Variants in HSD17B12 observed in about 807,000 individuals in gnomAD.
HSD17B12 encodes the protein very-long-chain 3-oxoacyl-CoA reductase.
In HSD17B12, 32 loss-of-function variants were observed where a neutral mutation model predicts 39.3. That is an observed-to-expected ratio of 0.81 (90% CI 0.61 to 1.09). The LOEUF (loss-of-function observed/expected upper bound fraction) is 1.09, where lower values mean the gene tolerates loss of function less well. HSD17B12 is among the 50% of genes least tolerant of loss of function. The pLI is 0.00. For missense variants in HSD17B12, 342 were observed against 382.9 expected, an observed-to-expected ratio of 0.89 and a Z score of 0.89; for synonymous variants, 150 against 146.7, an observed-to-expected ratio of 1.02 and a Z score of -0.16.
At chr11:43,756,245 T>C (rs1950506993) in intron 3 of HSD17B12, among the ~76,000 whole-genome samples, 1 of 152,090 alleles carries the variant, frequency 6.6e-6, no homozygotes, top group Non-Finnish European at 1.5e-5. Flanking sequence ...ATTTTAACCT[T>C]GCTGAGAGTA....
chr11:43,613,620 C>A, the HSD17B12 span, among the ~76,000 whole-genome samples: 1 of 151,342 alleles, frequency 6.6e-6, no homozygotes, highest in East Asian at 1.9e-4. Flanking sequence ...ATTTTTTCCA[C>A]TTGGCCTATG....
chr11:43,577,279 C>T, the HSD17B12 span, among the ~76,000 whole-genome samples: 1 of 151,426 alleles, frequency 6.6e-6, no homozygotes, highest in Admixed American at 6.6e-5. Flanking sequence ...GATACGGGGA[C>T]GAGAGGGTTA....
chr11:43,596,478 G>T, the HSD17B12 span, among the ~76,000 whole-genome samples: 1 of 152,116 alleles, frequency 6.6e-6, no homozygotes, highest in Admixed American at 6.5e-5. Context: ...TGTTGCCCAG[G>T]CTGGAGTGCA....
At chr11:43,765,955 T>TCCCGCCACTACAGGCG (rs1485347547) in intron 3 of HSD17B12, among the ~76,000 whole-genome samples, 1 of 151,428 alleles carries the variant, frequency 6.6e-6, no homozygotes, top group African/African-American at 2.4e-5. Context: ...TGCCTCAGCC[T>TCCCGCCACTACAGGCG]CCCGCCACTA....
At chr11:43,806,253 G>A (rs1951017012) in intron 4 of HSD17B12, 1 of 152,172 alleles carries the variant, frequency 6.6e-6, no homozygotes, top group Non-Finnish European at 1.5e-5. Context: ...AGGTTGGGCT[G>A]GCTTAAAGCC....
intron 4 of HSD17B12, among the ~76,000 whole-genome samples, chr11:43,814,846 G>T (rs1951106237): frequency 6.6e-6 from 1 of 152,080 alleles, no homozygotes; most frequent in South Asian, 2.1e-4. Context: ...CTACTAGATT[G>T]TATGCTCCGT....
the HSD17B12 span, among the ~76,000 whole-genome samples, chr11:43,637,217 CTTTTTTTTT>C: frequency 1.8e-5 from 2 of 109,474 alleles, no homozygotes; most frequent in Non-Finnish European, 3.6e-5. Context: ...GGTGTTTTTC[CTTTTTTTTT>C]TTTTTTTTTT....
chr11:43,597,833 C>G, the HSD17B12 span, among the ~76,000 whole-genome samples: 1 of 152,100 alleles, frequency 6.6e-6, no homozygotes, highest in Middle Eastern at 3.2e-3. Flanking sequence ...CGGGGTTTCA[C>G]TATGTTGGCC....
chr11:43,721,749 G>A (rs1468540054), intron 1 of HSD17B12, among the ~76,000 whole-genome samples: 2 of 152,158 alleles, frequency 1.3e-5, no homozygotes, highest in African/African-American at 4.8e-5. Context: ...TAGAAGAGGG[G>A]CATGAACGAG....
the HSD17B12 span, among the ~76,000 whole-genome samples, chr11:43,583,867 C>T: frequency 6.6e-6 from 1 of 152,104 alleles, no homozygotes; most frequent in Non-Finnish European, 1.5e-5. Context: ...CTACTCCTTC[C>T]GGGGGTGTGA....
the HSD17B12 span, among the ~76,000 whole-genome samples, chr11:43,631,658 C>T: frequency 6.7e-6 from 1 of 149,724 alleles, no homozygotes; most frequent in Non-Finnish European, 1.5e-5. Context: ...TCTCTCTCTC[C>T]CTCTGTCTCT....
At chr11:43,703,408 A>T (rs1949985198) in intron 1 of HSD17B12, among the ~76,000 whole-genome samples, 2 of 151,964 alleles carry the variant, frequency 1.3e-5, no homozygotes, top group Non-Finnish European at 2.9e-5. Flanking sequence ...TTTAGCCGGG[A>T]TGGTCTCGAT....
intron 3 of HSD17B12, among the ~76,000 whole-genome samples, chr11:43,776,527 T>A (rs1394764137): frequency 2.6e-5 from 4 of 152,238 alleles, no homozygotes; most frequent in Non-Finnish European, 5.9e-5. Context: ...ATGAGTATGT[T>A]GCGAAAATTT....
At chr11:43,707,140 A>T (rs1249734941) in intron 1 of HSD17B12, among the ~76,000 whole-genome samples, 1 of 152,208 alleles carries the variant, frequency 6.6e-6, no homozygotes, top group Admixed American at 6.5e-5. Context: ...AAATTAATTG[A>T]TCACCACTGG....
chr11:43,757,371 C>T (rs1330178058), intron 3 of HSD17B12, among the ~76,000 whole-genome samples: 3 of 151,914 alleles, frequency 2.0e-5, no homozygotes, highest in African/African-American at 4.8e-5. Flanking sequence ...CGGTGGCTCA[C>T]GCCTGTAATC....
At chr11:43,614,657 A>G in the HSD17B12 span, among the ~76,000 whole-genome samples, 1 of 152,072 alleles carries the variant, frequency 6.6e-6, no homozygotes, top group African/African-American at 2.4e-5. Flanking sequence ...TCCTGAGACC[A>G]TTTTTTATTA....
intron 9 of HSD17B12, among the ~76,000 whole-genome samples, chr11:43,850,720 T>C (rs1951522593): frequency 6.6e-6 from 1 of 152,204 alleles, no homozygotes; most frequent in South Asian, 2.1e-4. Flanking sequence ...AATTGTACTG[T>C]GCAGTCCAGT....
the HSD17B12 span, among the ~76,000 whole-genome samples, chr11:43,667,307 AC>A: frequency 6.6e-6 from 1 of 152,042 alleles, no homozygotes; most frequent in Non-Finnish European, 1.5e-5. Flanking sequence ...GTGTGCCACC[AC>A]GGCTGGCTAA....
the HSD17B12 span, chr11:43,579,443 G>C: frequency 1.3e-5 from 2 of 152,544 alleles, no homozygotes; most frequent in African/African-American, 2.4e-5. Context: ...GGAGCGGGCC[G>C]GCAGGAGAGG....
Sources: allele counts gnomAD v4.1 joint callset (sites outside exome capture counted in the v4.1 genomes callset), GRCh38; gene constraint gnomAD v4.1.1; transcripts MANE v1.5; gene names NCBI Gene and HGNC (gene_info 2026-07-23, HGNC 2026-07-21).